ELAVL4: variants seen among roughly 807,000 people sequenced by gnomAD.
ELAVL4 encodes the protein ELAV-like protein 4.
ELAVL4 carries 1 observed loss-of-function variant against 35.6 expected under a neutral mutation model. That is an observed-to-expected ratio of 0.03 (90% CI 0.01 to 0.13). The LOEUF (loss-of-function observed/expected upper bound fraction) is 0.13, where lower values mean the gene tolerates loss of function less well. Ranked by LOEUF, ELAVL4 falls within the 10% of genes least tolerant of loss-of-function variation. The probability of loss-of-function intolerance (pLI) is 1.00; values close to 1 mark genes in which losing one functional copy is unlikely to be tolerated. For synonymous variants in ELAVL4, 156 were observed against 171.0 expected (o/e 0.91, Z 0.69); for missense variants, 267 against 464.9 (o/e 0.57, Z 3.91).
chr1:50,189,383 G>A (rs1479663263), intron 3 of ELAVL4, among the ~76,000 whole-genome samples: 4 of 152,260 alleles, frequency 2.6e-5, no homozygotes, highest in Non-Finnish European at 4.4e-5. Context: ...TGTGATGAAT[G>A]ACAACGCCTG....
intron 3 of ELAVL4, among the ~76,000 whole-genome samples, chr1:50,192,062 G>T (rs1281763181): frequency 3.3e-5 from 5 of 152,154 alleles, no homozygotes; most frequent in Non-Finnish European, 7.4e-5. Context: ...GTCACATGGG[G>T]TTCTTAGTCC....
At chr1:50,053,523 A>G (rs115971498) in intron 1 of ELAVL4, among the ~76,000 whole-genome samples, 1,597 of 152,072 alleles carry the variant, frequency 0.011, 43 homozygotes, top group African/African-American at 0.037. Flanking sequence ...TAATTTTTGC[A>G]TTTTTTTGTA....
Position 50,109,016 on chromosome 1 carries a change from C to CGGGGGGGCGCG in ELAVL4, c.-174_-173insGGGGGGGCGCG. Reference sequence around the variant, plus strand: ...CTCCTTTTCTTTTTTTTCTTTCTCTCCCCCGCCCACCCCCCCAAAAATAAT... The same window carrying CGGGGGGGCGCG: ...CTCCTTTTCTTTTTTTTCTTTCTCTCGGGGGGGCGCGCCCCGCCCACCCCCCCAAAAATAAT... On this transcript the variant is annotated 5_prime_UTR_variant, in exon 1 of 7. Transcript: ENST00000371824. The CGGGGGGGCGCG allele has an allele frequency of 1.1e-6, 1 of 905,772 alleles. No individual in the cohort carries two copies. The highest frequency in any genetic ancestry group is 1.3e-6 in the Non-Finnish European group (1 of 761,386). The allele number at this position is 905,772 out of a possible 1,614,324, so 56.1% of individuals were successfully genotyped here. A position where few individuals can be genotyped will look rare whatever the true frequency, so the allele number is the denominator to read the frequency against.
At chr1:50,144,112 T>G (rs1673279909) in intron 1 of ELAVL4, among the ~76,000 whole-genome samples, 1 of 152,208 alleles carries the variant, frequency 6.6e-6, no homozygotes, top group Non-Finnish European at 1.5e-5. Context: ...GTGTCCTCTA[T>G]AGACTATAAG....
rs1676888890 is a variant in ELAVL4, at chr1:50,162,007, T to C, written c.251-15082T>C. Among the ~76,000 whole-genome samples the C allele has an allele frequency of 2.0e-5, 3 of 152,352 alleles. No individual in the cohort carries two copies. The South Asian group carries it at 6.2e-4, about 32-fold the overall frequency. ...ATGTTCAGAGACATCATTTTACATC[T>C]GTGTGAACAATTTGGCTATCTTCTC... On this transcript the variant is annotated intron_variant, in intron 2 of 6. Coordinates refer to ENST00000371824, the MANE Select transcript of ELAVL4 (RefSeq NM_001144774.3).
intron 2 of ELAVL4, among the ~76,000 whole-genome samples, chr1:50,153,095 C>T (rs114179358): frequency 0.015 from 2,341 of 152,238 alleles, 52 homozygotes; most frequent in African/African-American, 0.042. Context: ...CTGGAAGTGA[C>T]GGGGAGCTGG....
At chr1:50,056,389 T>C (rs1663674092) in intron 1 of ELAVL4, among the ~76,000 whole-genome samples, 3 of 152,220 alleles carry the variant, frequency 2.0e-5, no homozygotes, top group South Asian at 4.1e-4. Flanking sequence ...TCATTTATGA[T>C]GGAGGTCCCC....
intron 1 of ELAVL4, among the ~76,000 whole-genome samples, chr1:50,110,774 C>G (rs1412518829): frequency 6.6e-6 from 1 of 152,044 alleles, no homozygotes; most frequent in Non-Finnish European, 1.5e-5. Context: ...TGGTCTTTTT[C>G]CCATTCTTAG....
At chr1:50,156,860 T>C (rs1343417184) in intron 2 of ELAVL4, among the ~76,000 whole-genome samples, 1 of 151,762 alleles carries the variant, frequency 6.6e-6, no homozygotes. Context: ...TGGCTGTACA[T>C]TGTATTCCAG....
At chr1:50,185,188 G>T (rs1381242942) in intron 3 of ELAVL4, among the ~76,000 whole-genome samples, 1 of 152,078 alleles carries the variant, frequency 6.6e-6, no homozygotes, top group Non-Finnish European at 1.5e-5. Flanking sequence ...CAGGATGGCT[G>T]GTCTGTCAGT....
chr1:50,163,852 G>A (rs1013168230), intron 2 of ELAVL4, among the ~76,000 whole-genome samples: 10 of 151,844 alleles, frequency 6.6e-5, no homozygotes, highest in East Asian at 1.9e-4. Context: ...ACAAACAACC[G>A]CATGCTCTCT....
intron 1 of ELAVL4, among the ~76,000 whole-genome samples, chr1:50,137,111 A>C (rs2148661511): frequency 6.6e-6 from 1 of 152,308 alleles, no homozygotes; most frequent in East Asian, 1.9e-4. Flanking sequence ...AAGAAGTAAA[A>C]GAGTGTTAGT....
chr1:50,078,960 A>G (rs1407719855), intron 1 of ELAVL4, among the ~76,000 whole-genome samples: 2 of 152,132 alleles, frequency 1.3e-5, no homozygotes, highest in African/African-American at 4.8e-5. Context: ...TTGAGTTTCC[A>G]TTGAGTACCA....
chr1:50,106,437 T>TA (rs750953266), upstream of ELAVL4: 7 of 1,516,064 alleles, frequency 4.6e-6, no homozygotes, highest in Non-Finnish European at 5.5e-6. Flanking sequence ...AGTGCTGGGA[T>TA]ATCATTTTTA....
At chr1:50,183,949 C>T (rs1681439316) in intron 3 of ELAVL4, among the ~76,000 whole-genome samples, 1 of 152,156 alleles carries the variant, frequency 6.6e-6, no homozygotes. Flanking sequence ...CTAGTCACAA[C>T]CTGGGCGAGA....
intron 2 of ELAVL4, among the ~76,000 whole-genome samples, chr1:50,151,230 C>A (rs768436249): frequency 1.3e-5 from 2 of 152,166 alleles, no homozygotes; most frequent in African/African-American, 4.8e-5. Flanking sequence ...TAAACTGACT[C>A]CTCCCCTTTA....
At chr1:50,128,802 A>T (rs1670382343) in intron 1 of ELAVL4, among the ~76,000 whole-genome samples, 1 of 152,096 alleles carries the variant, frequency 6.6e-6, no homozygotes, top group African/African-American at 2.4e-5. Context: ...GTGGCCTGGA[A>T]TGTGCATTCC....
chr1:50,155,540 T>C (rs1489830058), intron 2 of ELAVL4, among the ~76,000 whole-genome samples: 1 of 152,098 alleles, frequency 6.6e-6, no homozygotes, highest in Non-Finnish European at 1.5e-5. Flanking sequence ...GCTGCCTGAG[T>C]GGAGTTCTTG....
At chr1:50,100,304 C>T (rs190120142), upstream of ELAVL4, among the ~76,000 whole-genome samples, 1 of 152,208 alleles carries the variant, frequency 6.6e-6, no homozygotes, top group East Asian at 1.9e-4. Context: ...GAGGTCTGCC[C>T]GCCCACAGTC....
Sources: allele counts gnomAD v4.1 joint callset (sites outside exome capture counted in the v4.1 genomes callset), GRCh38; gene constraint gnomAD v4.1.1; transcripts MANE v1.5; gene names NCBI Gene and HGNC (gene_info 2026-07-23, HGNC 2026-07-21).